The following OSR2 variants were observed in gnomAD, a reference collection of about 807,000 sequenced individuals.
OSR2 encodes the protein odd-skipped related transciption factor 2, also known as protein odd-skipped-related 2.
A neutral mutation model predicts 22.3 loss-of-function variants in OSR2; 8 were observed. The ratio of observed to expected loss-of-function variants is 0.36; its 90% CI spans 0.21 to 0.65. The LOEUF is 0.65. Among genes scored for constraint, OSR2 ranks in the 30% least tolerant of loss-of-function variants. OSR2 has a pLI of 0.66. For synonymous variants in OSR2, 179 were observed against 173.8 expected (o/e 1.03, Z -0.23); for missense variants, 311 against 413.4 (o/e 0.75, Z 2.15).
chr8:98,951,309 T>C (rs1359875306), intron 3 of OSR2, among the ~76,000 whole-genome samples: 1 of 152,194 alleles, frequency 6.6e-6, no homozygotes, highest in Non-Finnish European at 1.5e-5. Context: ...GCCTCCGAAG[T>C]TATCAGTGTA....
chr8:98,950,188 T>C (rs959182937), intron 2 of OSR2, among the ~76,000 whole-genome samples: 31 of 152,196 alleles, frequency 2.0e-4, no homozygotes, highest in Non-Finnish European at 8.8e-5. Context: ...TATCATTGGG[T>C]AAAAACTTCT....
rs1000368330 is a variant in OSR2, at chr8:98,948,117, C to T, written c.-114-722C>T. The stretch of plus-strand genomic sequence containing the variant: ...ATAGGAGGAGGGGGCGATTCTAGGC[C>T]GAATCCAGCCCCTGAGGTGTCACTT... On this transcript the variant is annotated intron_variant, in intron 1 of 3. Coordinates refer to ENST00000297565, the MANE Select transcript of OSR2 (RefSeq NM_001142462.3). This position sits in a 1 kb window ranked among gnomAD's most constrained non-coding sequence, Gnocchi z 6.0. 2 of 1,372,464 alleles carry T rather than the reference C, an allele frequency of 1.5e-6. No individual in the cohort carries two copies. The highest frequency in any genetic ancestry group is 3.0e-5 in the African/African-American group (2 of 66,654). The allele number at this position is 1,372,464 out of a possible 1,614,324, so 85.0% of individuals were successfully genotyped here.
chr8:98,944,937 A>T (rs1840560718), intron 1 of OSR2, 114 bp downstream of exon 1: 1 of 152,244 alleles, frequency 6.6e-6, no homozygotes, highest in African/African-American at 2.4e-5. Context: ...ATGTGAAAAT[A>T]GATCATGGGG....
intron 1 of OSR2, among the ~76,000 whole-genome samples, chr8:98,947,618 G>A (rs940817630): frequency 6.6e-6 from 1 of 152,184 alleles, no homozygotes; most frequent in Non-Finnish European, 1.5e-5. Context: ...ATGTAGGTGA[G>A]GTGATCCCGG....
chr8:98,946,618 TATA>T (rs1482367022), intron 1 of OSR2, among the ~76,000 whole-genome samples: 1 of 152,222 alleles, frequency 6.6e-6, no homozygotes, highest in Non-Finnish European at 1.5e-5. Flanking sequence ...ATTTCTGTAT[TATA>T]AACCATTCAG....
intron 1 of OSR2, among the ~76,000 whole-genome samples, chr8:98,947,513 G>A (rs974775070): frequency 6.6e-6 from 1 of 152,162 alleles, no homozygotes; most frequent in Non-Finnish European, 1.5e-5. Context: ...CTACACCTGG[G>A]GGTCTGCCCT....
Position 98,948,698 on chromosome 8 carries a change from T to G in OSR2, c.-114-141T>G, listed in dbSNP as rs1367166789. On this transcript the variant is annotated intron_variant, in intron 1 of 3. Transcript: ENST00000297565. This position sits in a 1 kb window ranked among gnomAD's most constrained non-coding sequence, Gnocchi z 6.0. ...GAGCAGGTGCCAAGGTGCCACGCAG[T>G]CCCCTCACGGCTTTCGGGGGGTCTT... 26 of 1,124,822 alleles carry G rather than the reference T, an allele frequency of 2.3e-5. No individual in the cohort carries two copies. The highest frequency in any genetic ancestry group is 2.7e-5 in the Non-Finnish European group (22 of 816,382). The allele number at this position is 1,124,822 out of a possible 1,614,324, so 69.7% of individuals were successfully genotyped here. A position where few individuals can be genotyped will look rare whatever the true frequency, so the allele number is the denominator to read the frequency against.
chr8:98,950,393 C>T (rs930239827), intron 2 of OSR2, among the ~76,000 whole-genome samples: 2 of 152,150 alleles, frequency 1.3e-5, no homozygotes, highest in Admixed American at 6.5e-5. Flanking sequence ...CCAAGAAAGG[C>T]CCGTTCAGCG....
rs959319175 is a variant in OSR2, at chr8:98,949,687, A to G, written c.656+79A>G. On this transcript the variant is annotated intron_variant, in intron 2 of 3. Coordinates refer to ENST00000297565, the MANE Select transcript of OSR2 (RefSeq NM_001142462.3). This position sits in a 1 kb window ranked among gnomAD's most constrained non-coding sequence, Gnocchi z 5.9. ...ACACCGAGTCCTGATAGACATTCCC[A>G]GTGTCATTATAATCCCCTGTGATCT... The G allele has an allele frequency of 1.7e-5, 25 of 1,487,684 alleles. No individual in the cohort carries two copies. The highest frequency in any genetic ancestry group is 2.3e-5 in the Non-Finnish European group (25 of 1,100,794). The allele number at this position is 1,487,684 out of a possible 1,614,324, so 92.2% of individuals were successfully genotyped here. A position where few individuals can be genotyped will look rare whatever the true frequency, so the allele number is the denominator to read the frequency against.
In OSR2 at chr8:98,948,594, C is replaced by T. The variant is rs189774914; in HGVS notation, c.-114-245C>T. On this transcript the variant is annotated intron_variant, in intron 1 of 3. Transcript: ENST00000297565. The surrounding 1 kb of genome is among the most constrained non-coding windows in gnomAD (Gnocchi z 6.0). ...TCCGTATCTGCCTAGAGTCTGAATC[C>T]GACTTTCTTTCCTTTGGGCACGCGC... 2.5e-5 allele frequency: 27 copies of T among 1,081,128 alleles called. No individual in the cohort carries two copies. In the African/African-American group the frequency reaches 4.0e-4, roughly 16 times the overall value. 67.0% of individuals were successfully genotyped at this position (1,081,128 alleles called of 1,614,324 possible). A position where few individuals can be genotyped will look rare whatever the true frequency, so the allele number is the denominator to read the frequency against.
Position 98,948,423 on chromosome 8 carries a change from T to C in OSR2, c.-114-416T>C. ...CTCCGAGGCGCAGCGGCGACAGAGG[T>C]TCGCCCCGGCCTGCTAGCATTGGCA... On this transcript the variant is annotated intron_variant, in intron 1 of 3. Coordinates refer to ENST00000297565, the MANE Select transcript of OSR2 (RefSeq NM_001142462.3). The surrounding 1 kb of genome is among the most constrained non-coding windows in gnomAD (Gnocchi z 6.0). 8.4e-7 allele frequency: 1 copy of C among 1,191,830 alleles called. No homozygotes were observed. The highest frequency in any genetic ancestry group is 1.1e-6 in the Non-Finnish European group (1 of 945,804). The allele number at this position is 1,191,830 out of a possible 1,614,324, so 73.8% of individuals were successfully genotyped here.
Position 98,949,727 on chromosome 8 carries a change from G to A in OSR2, c.656+119G>A. On this transcript the variant is annotated intron_variant, in intron 2 of 3. Transcript: ENST00000297565. This position sits in a 1 kb window ranked among gnomAD's most constrained non-coding sequence, Gnocchi z 5.9. ...CCCTGTGATCTAAAATACACCCTCAGTCACGCTCCTCAGCCCGGTTCAGCT... is the reference window on the plus strand; with the variant it reads ...CCCTGTGATCTAAAATACACCCTCAATCACGCTCCTCAGCCCGGTTCAGCT... The A allele has an allele frequency of 8.2e-7, 1 of 1,216,590 alleles. No individual in the cohort carries two copies. The highest frequency in any genetic ancestry group is 2.1e-4 in the Middle Eastern group (1 of 4,722). 75.4% of individuals were successfully genotyped at this position (1,216,590 alleles called of 1,614,324 possible). A position where few individuals can be genotyped will look rare whatever the true frequency, so the allele number is the denominator to read the frequency against.
chr8:98,950,602 A>T, intron 2 of OSR2, 54 bp from the exon 3 acceptor site: 1 of 1,112,080 alleles, frequency 9.0e-7, no homozygotes, highest in South Asian at 1.4e-5. Context: ...TGCTAAAAGT[A>T]ACTCTTCACC....
intron 3 of OSR2, chr8:98,950,969 G>C (rs1441441371): frequency 1.7e-6 from 1 of 600,422 alleles, no homozygotes; most frequent in Non-Finnish European, 2.9e-6. Context: ...CGGCCACTTT[G>C]ATTATCATAA....
At chr8:98,951,166 C>G (rs1400203899) in intron 3 of OSR2, 1 of 441,160 alleles carries the variant, frequency 2.3e-6, no homozygotes, top group Non-Finnish European at 4.0e-6. Context: ...CAAAGAGGAG[C>G]CTTATTACCC....
intron 1 of OSR2, among the ~76,000 whole-genome samples, chr8:98,946,851 C>G (rs1446053853): frequency 3.3e-5 from 5 of 152,048 alleles, no homozygotes; most frequent in Non-Finnish European, 5.9e-5. Flanking sequence ...GGGAATACAC[C>G]CAAATAATAA....
rs779308140 is a variant in OSR2 at position 98,949,045 on chromosome 8, G to A, written c.93G>A (p.Pro31=). The A allele has an allele frequency of 1.2e-5, 20 of 1,613,778 alleles. No homozygotes were observed. The East Asian group carries it at 1.8e-4, about 14-fold the overall frequency. Residue 31 remains proline (P), a synonymous_variant, in exon 2 of 4, where the codon CCG becomes CCA. Transcript: ENST00000297565. This position sits in a 1 kb window ranked among gnomAD's most constrained non-coding sequence, Gnocchi z 5.9. ...TCCTGCAGGCCGTGAACACCTTCCC[G>A]GCCACGGTGGACCACCTGCAGGGCC... ...YSFLQAVNTF[P]ATVDHLQGLY...
chr8:98,949,210 G>T lies in OSR2; in HGVS notation c.258G>T (p.Pro86=), dbSNP rs765762309. ...QGLVDARFPF[P]ALPFTTHLFH... ...TCGTGGACGCGCGCTTCCCCTTCCCGGCCCTGCCTTTTACCACCCACCTAT... is the reference window on the plus strand; with the variant it reads ...TCGTGGACGCGCGCTTCCCCTTCCCTGCCCTGCCTTTTACCACCCACCTAT... The change falls in exon 2 of 4, where the codon CCG becomes CCT. Residue 86 remains proline, a synonymous_variant. Coordinates refer to ENST00000297565, the MANE Select transcript of OSR2 (RefSeq NM_001142462.3). The surrounding 1 kb of genome is among the most constrained non-coding windows in gnomAD (Gnocchi z 5.9). The T allele has an allele frequency of 4.7e-6, 7 of 1,490,104 alleles. No individual in the cohort carries two copies. Among genetic ancestry groups the T allele is most frequent in the South Asian group, 2.3e-5 (2 of 85,566 alleles). The allele number at this position is 1,490,104 out of a possible 1,614,324, so 92.3% of individuals were successfully genotyped here.
At chr8:98,951,443 A>G (rs537085697) in intron 3 of OSR2, 76 bp from the exon 4 acceptor site, 4 of 1,379,886 alleles carry the variant, frequency 2.9e-6, no homozygotes, top group Non-Finnish European at 4.0e-6. Context: ...TGTGATAACG[A>G]TAAGACAGAA....
Sources: gnomAD v4.1 joint callset for allele counts (sites outside exome capture counted in the v4.1 genomes callset) on GRCh38, gnomAD v4.1.1 for gene constraint, Gnocchi (gnomAD v3.1) non-coding constraint, MANE v1.5 for transcripts, NCBI Gene and HGNC (gene_info 2026-07-23, HGNC 2026-07-21) for gene names.